The following ADGRL2 variants were observed in gnomAD, a reference collection of about 807,000 sequenced individuals.
ADGRL2 encodes calcium-independent alpha-latrotoxin receptor 2.
ADGRL2 carries 44 observed loss-of-function variants against 157.4 expected under a neutral mutation model. The ratio of observed to expected loss-of-function variants is 0.28; its 90% CI spans 0.22 to 0.36. The LOEUF is 0.36. ADGRL2 is among the 10% of genes least tolerant of loss of function. The probability of loss-of-function intolerance (pLI) is 1.00; values close to 1 mark genes in which losing one functional copy is unlikely to be tolerated. For missense variants in ADGRL2, 1,510 were observed against 1,768.9 expected (o/e 0.85, Z 2.63); for synonymous variants, 585 against 624.7 (o/e 0.94, Z 0.95).
At chr1:81,645,024 A>T (rs1474136390) in intron 3 of ADGRL2, among the ~76,000 whole-genome samples, 1 of 152,120 alleles carries the variant, frequency 6.6e-6, no homozygotes, top group Admixed American at 6.5e-5. Context: ...TTTTTTCAGA[A>T]CATATTTGAT....
chr1:81,607,384 G>A (rs1193545213), intron 3 of ADGRL2, among the ~76,000 whole-genome samples: 1 of 152,118 alleles, frequency 6.6e-6, no homozygotes, highest in African/African-American at 2.4e-5. Context: ...TGGTAAAAGA[G>A]CAATTAAATA....
intron 1 of ADGRL2, among the ~76,000 whole-genome samples, chr1:81,736,122 C>T (rs1025318190): frequency 2.9e-5 from 4 of 139,160 alleles, no homozygotes; most frequent in Non-Finnish European, 6.1e-5. Context: ...TAGCCTGGGC[C>T]ACAGAGCAAG....
At chr1:81,636,745 G>A (rs2082121908) in intron 3 of ADGRL2, among the ~76,000 whole-genome samples, 1 of 152,158 alleles carries the variant, frequency 6.6e-6, no homozygotes, top group Non-Finnish European at 1.5e-5. Context: ...AGAGCCTTTA[G>A]TAAATGCTAA....
chr1:81,448,762 A>G (rs770273777), intron 2 of ADGRL2, among the ~76,000 whole-genome samples: 5 of 152,066 alleles, frequency 3.3e-5, no homozygotes, highest in Non-Finnish European at 4.4e-5. Flanking sequence ...ATTCCACAAA[A>G]ATTTTTAAAT....
At chr1:81,544,386 T>A (rs1277583013) in intron 2 of ADGRL2, among the ~76,000 whole-genome samples, 1 of 152,218 alleles carries the variant, frequency 6.6e-6, no homozygotes, top group Non-Finnish European at 1.5e-5. Context: ...TGTTTCTTTT[T>A]TCCCTGTTAT....
intron 3 of ADGRL2, among the ~76,000 whole-genome samples, chr1:81,932,409 T>C (rs1415536317): frequency 6.6e-6 from 1 of 152,232 alleles, no homozygotes; most frequent in Non-Finnish European, 1.5e-5. Flanking sequence ...AGAAGACATA[T>C]TAACATTGTA....
chr1:81,379,999 C>T (rs2076316561), intron 1 of ADGRL2, among the ~76,000 whole-genome samples: 1 of 152,174 alleles, frequency 6.6e-6, no homozygotes, highest in African/African-American at 2.4e-5. Context: ...ACGGACGTGT[C>T]CTTCCCTTCC....
chr1:81,768,405 T>A (rs2086221014), intron 2 of ADGRL2, among the ~76,000 whole-genome samples: 1 of 152,148 alleles, frequency 6.6e-6, no homozygotes, highest in Non-Finnish European at 1.5e-5. Flanking sequence ...ATTTTCAATA[T>A]TTGATTACCA....
chr1:81,572,149 T>C (rs1490224735), intron 2 of ADGRL2, among the ~76,000 whole-genome samples: 1 of 152,234 alleles, frequency 6.6e-6, no homozygotes, highest in African/African-American at 2.4e-5. Context: ...GTGAGGAATT[T>C]ATTGGCCTCT....
intron 1 of ADGRL2, among the ~76,000 whole-genome samples, chr1:81,738,955 T>G: frequency 6.6e-6 from 1 of 152,210 alleles, no homozygotes; most frequent in East Asian, 1.9e-4. Context: ...CACTGGGTGC[T>G]TCTCTATGCC....
chr1:81,582,028 C>G (rs2080925260), intron 3 of ADGRL2, among the ~76,000 whole-genome samples: 1 of 152,024 alleles, frequency 6.6e-6, no homozygotes, highest in Admixed American at 6.6e-5. Flanking sequence ...TGAGACCAGC[C>G]TGGCCAACAT....
chr1:81,919,066 C>T, intron 3 of ADGRL2, among the ~76,000 whole-genome samples: 1 of 152,088 alleles, frequency 6.6e-6, no homozygotes, highest in South Asian at 2.1e-4. Context: ...TAGCATTCCC[C>T]TGGACATTCA....
intron 3 of ADGRL2, among the ~76,000 whole-genome samples, chr1:81,582,155 G>T (rs2080928583): frequency 6.6e-6 from 1 of 152,098 alleles, no homozygotes; most frequent in Admixed American, 6.6e-5. Context: ...AGGAGGTGGA[G>T]CTTGCGGTGA....
At chr1:81,626,827 G>A (rs921965152) in intron 3 of ADGRL2, among the ~76,000 whole-genome samples, 1 of 152,132 alleles carries the variant, frequency 6.6e-6, no homozygotes, top group Admixed American at 6.6e-5. Context: ...GTGTATAAAA[G>A]CATTTGTACC....
chr1:81,355,125 G>A (rs1225616638), intron 1 of ADGRL2, among the ~76,000 whole-genome samples: 1 of 152,062 alleles, frequency 6.6e-6, no homozygotes, highest in African/African-American at 2.4e-5. Flanking sequence ...CGCATTTCAA[G>A]TTATATTTGG....
At chr1:81,510,604 TA>T (rs961161124) in intron 2 of ADGRL2, among the ~76,000 whole-genome samples, 14 of 151,800 alleles carry the variant, frequency 9.2e-5, no homozygotes, top group South Asian at 4.2e-4. Flanking sequence ...AATATTGATT[TA>T]AAAAAAAATC....
At chr1:81,981,118 TTC>T in intron 18 of ADGRL2, 2 of 451,158 alleles carry the variant, frequency 4.4e-6, no homozygotes, top group Non-Finnish European at 8.8e-6. Flanking sequence ...TTATAATGCT[TTC>T]TAGCTATGAA....
chr1:81,562,682 T>G (rs1350750431), intron 2 of ADGRL2, among the ~76,000 whole-genome samples: 1 of 152,048 alleles, frequency 6.6e-6, no homozygotes, highest in African/African-American at 2.4e-5. Flanking sequence ...ACTGTAAGAT[T>G]CTTGCAGTTT....
chr1:81,349,879 C>CA (rs574778953), intron 1 of ADGRL2, among the ~76,000 whole-genome samples: 196 of 152,030 alleles, frequency 1.3e-3, no homozygotes, highest in African/African-American at 4.5e-3. Flanking sequence ...CAAACAACAA[C>CA]AAAAAAATAC....
Sources: gnomAD v4.1 joint callset for allele counts (sites outside exome capture counted in the v4.1 genomes callset) on GRCh38, gnomAD v4.1.1 for gene constraint, MANE v1.5 for transcripts, NCBI Gene and HGNC (gene_info 2026-07-23, HGNC 2026-07-21) for gene names.